SPTBN5: variants seen among roughly 807,000 people sequenced by gnomAD.
SPTBN5 encodes spectrin beta, non-erythrocytic 5.
A neutral mutation model predicts 477.6 loss-of-function variants in SPTBN5; 513 were observed. The ratio of observed to expected loss-of-function variants is 1.07; its 90% CI spans 1.00 to 1.16. The LOEUF is 1.16. SPTBN5 is among the 50% of genes most tolerant of loss of function. SPTBN5 has a pLI of 0.00. For synonymous variants in SPTBN5, 2,169 were observed against 2,011.7 expected (o/e 1.08, Z -2.09); for missense variants, 5,062 against 4,731.8 (o/e 1.07, Z -2.05).
intron 3 of SPTBN5, among the ~76,000 whole-genome samples, chr15:41,891,121 C>T (rs138926553): frequency 2.0e-5 from 3 of 152,348 alleles, no homozygotes; most frequent in East Asian, 3.9e-4. Context: ...ACTATTTCTC[C>T]CACCCAAATA....
In SPTBN5 at chr15:41,851,307, G is replaced by C. The variant is rs1354397414; in HGVS notation, c.10719C>G (p.Phe3573Leu). Reference protein sequence around the residue: ...GNLQGSSLSLFLDERMAAEKV... With the variant: ...GNLQGSSLSLLLDERMAAEKV... ...CCTCCGCTGCCATCCTCTCATCCAG[G>C]AACAGGCTCAGAGAGCTGCCCTGCA... The change falls in exon 64 of 68, where the codon TTC becomes TTG. Residue 3573 changes from phenylalanine (F) to leucine (L), a missense_variant. Coordinates refer to ENST00000320955, the MANE Select transcript of SPTBN5 (RefSeq NM_016642.4). 1 of 1,551,038 alleles carries C rather than the reference G, an allele frequency of 6.4e-7. No individual in the cohort carries two copies. Among genetic ancestry groups the C allele is most frequent in the Non-Finnish European group, 8.7e-7 (1 of 1,146,990 alleles).
At chr15:41,874,271 T>C (rs1320179327) in intron 24 of SPTBN5, 21 bp downstream of exon 24, 3 of 1,594,876 alleles carry the variant, frequency 1.9e-6, no homozygotes, top group South Asian at 1.1e-5. Context: ...GGTAATCCTG[T>C]AGGAAGAAGA....
chr15:41,854,806 G>C lies in SPTBN5; in HGVS notation c.9594C>G (p.Asp3198Glu), dbSNP rs1189605390. The change falls in exon 56 of 68, where the codon GAC becomes GAG. Residue 3198 changes from aspartate to glutamate, a missense_variant. Asp to Glu is a conservative substitution (Grantham distance 45). Transcript: ENST00000320955. Reference sequence around the variant, plus strand: ...CCTCTGTGCGGGCTTTTATTGCTTGGTCCAACCTCTCCCAAGCAGCCTCAA... The same window carrying C: ...CCTCTGTGCGGGCTTTTATTGCTTGCTCCAACCTCTCCCAAGCAGCCTCAA... ...SRIEAAWERL[D>E]QAIKARTENL... The C allele has an allele frequency of 5.7e-6, 9 of 1,567,870 alleles. No individual in the cohort carries two copies. The highest frequency in any genetic ancestry group is 7.8e-6 in the Non-Finnish European group (9 of 1,156,604).
Position 41,858,722 on chromosome 15 carries a change from G to A in SPTBN5, c.8106C>T (p.Asn2702=). 1 of 1,610,000 alleles carries A rather than the reference G, an allele frequency of 6.2e-7. No homozygotes were observed. Among genetic ancestry groups the A allele is most frequent in the Middle Eastern group, 1.7e-4 (1 of 6,056 alleles). Reference sequence around the variant, plus strand: ...GCAAACCCTCCTCCAAGGCCACCAGGTTCTTCTCCCTCAGCCACGCAGCCA... The same window carrying A: ...GCAAACCCTCCTCCAAGGCCACCAGATTCTTCTCCCTCAGCCACGCAGCCA... ...QEVAAWLREK[N]LVALEEGLLD... is the part of the protein sequence containing the mutation. The change falls in exon 49 of 68, where the codon AAC becomes AAT. Residue 2702 remains asparagine, a synonymous_variant. Transcript: ENST00000320955.
Position 41,869,724 on chromosome 15 carries a change from A to AC in SPTBN5, c.5853+116dup. ...ACATCCCGTGTGCTCGTGCTCTCCC[A>AC]CCCAAGTCCATGCTTGTTCTCCCTC... On this transcript the variant is annotated intron_variant, in intron 32 of 67. Coordinates refer to ENST00000320955, the MANE Select transcript of SPTBN5 (RefSeq NM_016642.4). 6.1e-6 allele frequency: 7 copies of AC among 1,145,842 alleles called. No homozygotes were observed. In the South Asian group the frequency reaches 1.3e-4, roughly 22 times the overall value. 71.0% of individuals were successfully genotyped at this position (1,145,842 alleles called of 1,614,324 possible). A position where few individuals can be genotyped will look rare whatever the true frequency, so the allele number is the denominator to read the frequency against.
chr15:41,853,110 A>G, intron 59 of SPTBN5, 110 bp from the exon 60 acceptor site: 1 of 1,426,978 alleles, frequency 7.0e-7, no homozygotes, highest in Non-Finnish European at 9.3e-7. Context: ...AGGCTGTGAG[A>G]CCCGCACCTG....
chr15:41,854,222 G>C lies in SPTBN5; in HGVS notation c.9619-17C>G. 6.3e-7 allele frequency: 1 copy of C among 1,585,798 alleles called. No individual in the cohort carries two copies. Among genetic ancestry groups the C allele is most frequent in the South Asian group, 1.2e-5 (1 of 86,714 alleles). ...AGCCAAGTTCTGGGAGAGGAGAAAG[G>C]ACCTGCTCAGGGCTGTTCTCTGCTC... is the stretch of plus-strand genomic sequence containing the variant. On this transcript the variant is annotated splice_polypyrimidine_tract_variant and intron_variant, in intron 56 of 67. Transcript: ENST00000320955.
rs1402291758 is a variant in SPTBN5 at position 41,878,514 on chromosome 15, C to T, written c.3298G>A (p.Glu1100Lys). The T allele has an allele frequency of 6.2e-7, 1 of 1,613,182 alleles. No homozygotes were observed. The highest frequency in any genetic ancestry group is 1.1e-5 in the South Asian group (1 of 91,014). Residue 1100 changes from glutamate to lysine, a missense_variant, in exon 17 of 68, where the codon GAG (glutamate) becomes AAG (lysine). By Grantham distance (56) the Glu-to-Lys change is moderately conservative. Coordinates refer to ENST00000320955, the MANE Select transcript of SPTBN5 (RefSeq NM_016642.4). The part of the protein sequence containing the change: ...QVAQRARRQA[E>K]TQARQSFLQE... ...AGGAAGCTCTGCCGGGCCTGAGTCT[C>T]AGCCTGGCGCCGGGCCCGTTGGGCC... is the stretch of plus-strand genomic sequence containing the variant.
chr15:41,875,737 C>T, intron 21 of SPTBN5, 115 bp from the exon 22 acceptor site: 1 of 1,100,310 alleles, frequency 9.1e-7, no homozygotes, highest in African/African-American at 1.6e-5. Flanking sequence ...AGCTGCACTC[C>T]ACGGGCTGCC....
intron 67 of SPTBN5, among the ~76,000 whole-genome samples, chr15:41,849,668 G>A (rs2065683188): frequency 6.6e-6 from 1 of 152,196 alleles, no homozygotes; most frequent in Non-Finnish European, 1.5e-5. Context: ...GACCACTGTA[G>A]AGTCTGTGGA....
chr15:41,863,816 C>A lies in SPTBN5; in HGVS notation c.7037G>T (p.Trp2346Leu), dbSNP rs2066204008. Residue 2346 changes from tryptophan to leucine, a missense_variant and splice_region_variant, in exon 41 of 68, where the codon TGG becomes TTG. Trp to Leu is a moderately conservative substitution (Grantham distance 61). Coordinates refer to ENST00000320955, the MANE Select transcript of SPTBN5 (RefSeq NM_016642.4). ...GAGCAAGTTGCCATGGAAACTCGCCCACCTGGCCAAGGGGTGGTGGTGTCA... is the reference window on the plus strand; with the variant it reads ...GAGCAAGTTGCCATGGAAACTCGCCAACCTGGCCAAGGGGTGGTGGTGTCA... ...CQRRSQLNNR[W>L]ASFHGNLLRY... 1.9e-6 allele frequency: 3 copies of A among 1,613,730 alleles called. No individual in the cohort carries two copies. The highest frequency in any genetic ancestry group is 2.7e-5 in the African/African-American group (2 of 74,938).
intron 19 of SPTBN5, 77 bp from the exon 20 acceptor site, chr15:41,876,724 C>A (rs1403403574): frequency 1.9e-6 from 3 of 1,603,162 alleles, no homozygotes; most frequent in Non-Finnish European, 2.6e-6. Context: ...CTCCCCCACC[C>A]CCTACTCTCC....
rs765897436 is a variant in SPTBN5, at chr15:41,879,804, C to G, written c.2872G>C (p.Glu958Gln). The G allele has an allele frequency of 1.9e-6, 3 of 1,613,866 alleles. No individual in the cohort carries two copies. Among genetic ancestry groups the G allele is most frequent in the Non-Finnish European group, 2.5e-6 (3 of 1,179,864 alleles). ...GLWAEVSSSA[E>Q]QLRQRYPGNS... is the part of the protein sequence containing the mutation. ...CCAGGATATCTCTGCCTCAGTTGCT[C>G]AGCAGAGCTGCTGACCTCAGCCCAG... The change falls in exon 15 of 68, where the codon GAG becomes CAG. Residue 958 changes from glutamate (E) to glutamine (Q), a missense_variant. By Grantham distance (29) the Glu-to-Gln change is conservative (BLOSUM62 2). Coordinates refer to ENST00000320955, the MANE Select transcript of SPTBN5 (RefSeq NM_016642.4).
intron 23 of SPTBN5, 23 bp from the exon 24 acceptor site, chr15:41,874,501 G>A: frequency 1.3e-6 from 2 of 1,573,424 alleles, no homozygotes; most frequent in Non-Finnish European, 1.7e-6. Flanking sequence ...GGAAGAGATT[G>A]GAGAGGTTGG....
chr15:41,877,125 G>T lies in SPTBN5; in HGVS notation c.3702C>A (p.Asp1234Glu). The T allele has an allele frequency of 6.2e-7, 1 of 1,613,898 alleles. No homozygotes were observed. Among genetic ancestry groups the T allele is most frequent in the Non-Finnish European group, 8.5e-7 (1 of 1,179,836 alleles). ...CATTCCTGCTCCATACCCCAAGGTT[G>T]TCCAGGTGCAGCCAGGCCTGGTGGT... ...CANHQAWLHLDNLGEDVREAL... is the reference protein window; with the variant it reads ...CANHQAWLHLENLGEDVREAL... Residue 1234 changes from aspartate to glutamate, a missense_variant, in exon 18 of 68, where the codon GAC becomes GAA. Asp to Glu is a conservative substitution (Grantham distance 45). Transcript: ENST00000320955.
intron 17 of SPTBN5, among the ~76,000 whole-genome samples, chr15:41,877,615 G>A (rs888308367): frequency 6.6e-6 from 1 of 152,218 alleles, no homozygotes; most frequent in Non-Finnish European, 1.5e-5. Context: ...GAAAAATCAC[G>A]CAAGCCACAA....
At position 41,848,151 on chromosome 15, in the gene SPTBN5, C is replaced by T. The variant is rs1028122623; in HGVS notation, c.*465G>A. The T allele has an allele frequency of 2.6e-4, 143 of 550,800 alleles. No individual in the cohort carries two copies. The highest frequency in any genetic ancestry group is 4.1e-4 in the East Asian group (13 of 31,938). 34.1% of individuals were successfully genotyped at this position (550,800 alleles called of 1,614,324 possible). A position where few individuals can be genotyped will look rare whatever the true frequency, so the allele number is the denominator to read the frequency against. ...ATCACAGACTCATACAAATGTGAGG[C>T]GCTGAGACCATCTGTTATTACTGCT... On this transcript the variant is annotated 3_prime_UTR_variant, in exon 68 of 68. Transcript: ENST00000320955.
chr15:41,876,661 G>GA lies in SPTBN5; in HGVS notation c.3852-15_3852-14insT, dbSNP rs746591837. 2.1e-6 allele frequency: 3 copies of GA among 1,439,964 alleles called. No individual in the cohort carries two copies. In the African/African-American group the frequency reaches 4.4e-5, roughly 21 times the overall value. 89.2% of individuals were successfully genotyped at this position (1,439,964 alleles called of 1,614,324 possible). A position where few individuals can be genotyped will look rare whatever the true frequency, so the allele number is the denominator to read the frequency against. On this transcript the variant is annotated splice_polypyrimidine_tract_variant and intron_variant, in intron 19 of 67. Coordinates refer to ENST00000320955, the MANE Select transcript of SPTBN5 (RefSeq NM_016642.4). ...TGCTCTCTGACCCTGGAGGGCGGGG[G>GA]GGGGTTGGAGGAGGGCATGGGAGAG...
chr15:41,857,537 G>T lies in SPTBN5; in HGVS notation c.8364+36C>A, dbSNP rs778404975. On this transcript the variant is annotated intron_variant, in intron 50 of 67. Transcript: ENST00000320955. ...GTAGGCAGGAGGGGAGTGTCCTGGA[G>T]CCCGGCCAGCCACCCCTCGGCCTGC... 3.7e-6 allele frequency: 6 copies of T among 1,603,878 alleles called. No homozygotes were observed. In the South Asian group the frequency reaches 6.7e-5, roughly 18 times the overall value.
Sources: gnomAD v4.1 joint callset for allele counts (sites outside exome capture counted in the v4.1 genomes callset) on GRCh38, gnomAD v4.1.1 for gene constraint, MANE v1.5 for transcripts, NCBI Gene and HGNC (gene_info 2026-07-23, HGNC 2026-07-21) for gene names.